Variants in DHX35 observed in about 807,000 individuals in gnomAD.
DHX35 encodes the protein probable ATP-dependent RNA helicase DHX35.
In DHX35, 84 loss-of-function variants were observed where a neutral mutation model predicts 99.6. That is an observed-to-expected ratio of 0.84 (90% CI 0.71 to 1.01). The LOEUF (loss-of-function observed/expected upper bound fraction) is 1.01. Among genes scored for constraint, DHX35 ranks in the 50% least tolerant of loss-of-function variants. The pLI is 0.00. For synonymous variants in DHX35, 331 were observed against 316.2 expected (o/e 1.05, Z -0.50); for missense variants, 852 against 888.5 (o/e 0.96, Z 0.52).
At chr20:39,007,426 C>T (rs2086637584) in intron 12 of DHX35, among the ~76,000 whole-genome samples, 1 of 152,202 alleles carries the variant, frequency 6.6e-6, no homozygotes, top group South Asian at 2.1e-4. Context: ...GCCTTGGAAG[C>T]AGAGAGCAGA....
intron 13 of DHX35, among the ~76,000 whole-genome samples, chr20:39,012,067 G>A (rs546451027): frequency 2.6e-5 from 4 of 152,242 alleles, no homozygotes; most frequent in African/African-American, 9.6e-5. Context: ...GGCCAACATG[G>A]TGAAACCCCG....
intron 3 of DHX35, among the ~76,000 whole-genome samples, chr20:38,979,163 T>G (rs1470928559): frequency 6.6e-6 from 1 of 151,480 alleles, no homozygotes; most frequent in African/African-American, 2.4e-5. Context: ...GTATTGTTGG[T>G]TTTTTTTTCC....
intron 10 of DHX35, 129 bp from the exon 11 acceptor site, chr20:39,003,620 C>T (rs1042200350): frequency 2.2e-5 from 23 of 1,025,256 alleles, no homozygotes; most frequent in Middle Eastern, 2.2e-4. Flanking sequence ...TGGAACATGA[C>T]GGCACTGAAA....
In DHX35 at chr20:39,030,694, A is replaced by G. The variant is rs772552348; in HGVS notation, c.1884-10A>G. On this transcript the variant is annotated splice_polypyrimidine_tract_variant and intron_variant, in intron 19 of 21. Transcript: ENST00000252011. ...AATGTGCTTCAGACAAAATTCTTCT[A>G]TGTTCCAAGGACCATCCGTGATGAC... is the stretch of plus-strand genomic sequence containing the variant. 1.7e-5 allele frequency: 27 copies of G among 1,613,636 alleles called. No individual in the cohort carries two copies. Among genetic ancestry groups the G allele is most frequent in the East Asian group, 2.2e-5 (1 of 44,876 alleles).
At chr20:38,968,983 C>T in intron 1 of DHX35, 98 bp from the exon 2 acceptor site, 1 of 1,328,850 alleles carries the variant, frequency 7.5e-7, no homozygotes, top group Non-Finnish European at 1.0e-6. Flanking sequence ...AAAAGTATTG[C>T]TTCTTCTGTA....
At chr20:38,984,755 C>A (rs2086224927) in intron 4 of DHX35, among the ~76,000 whole-genome samples, 1 of 152,122 alleles carries the variant, frequency 6.6e-6, no homozygotes, top group Non-Finnish European at 1.5e-5. Flanking sequence ...TGTTCTTAAT[C>A]ATAATTCTCA....
Position 39,021,913 on chromosome 20 carries a change from C to T in DHX35, c.1571C>T (p.Pro524Leu), listed in dbSNP as rs201216303. Residue 524 changes from proline (P) to leucine (L), a missense_variant, in exon 16 of 22, where the codon CCC becomes CTC. Coordinates refer to ENST00000252011, the MANE Select transcript of DHX35 (RefSeq NM_021931.4). ...MMQIQNIFVV[P>L]PNQKSHAIRV... The stretch of plus-strand genomic sequence containing the variant: ...CAGATCCAGAATATCTTTGTGGTCC[C>T]CCCAAACCAGAAGTCTCACGCAGTA... 300 of 1,613,996 alleles carry T rather than the reference C, an allele frequency of 1.9e-4. No individual in the cohort carries two copies. The highest frequency in any genetic ancestry group is 7.7e-4 in the Admixed American group (46 of 59,990).
At chr20:38,978,457 C>T (rs954929878) in intron 3 of DHX35, 9 of 550,808 alleles carry the variant, frequency 1.6e-5, no homozygotes, top group South Asian at 3.9e-5. Context: ...GGAGAGAAGG[C>T]GGATGGAGAT....
In DHX35 at chr20:39,034,218, C is replaced by T. The variant is rs563915110; in HGVS notation, c.1968C>T (p.Asn656=). Reference sequence around the variant, plus strand: ...TTTCTCATTTCAGGGTCATCTATAACGAAGTTATACAGACCTCCAAGTACT... The same window carrying T: ...TTTCTCATTTCAGGGTCATCTATAATGAAGTTATACAGACCTCCAAGTACT... The part of the protein sequence containing the change: ...AEKPPRWVIY[N]EVIQTSKYYM... Residue 656 remains asparagine (N), a synonymous_variant, in exon 21 of 22, where the codon AAC becomes AAT. Transcript: ENST00000252011. 37 of 1,613,572 alleles carry T rather than the reference C, an allele frequency of 2.3e-5. No individual in the cohort carries two copies. In the East Asian group the frequency reaches 5.6e-4, roughly 24 times the overall value.
At chr20:38,971,327 TG>T (rs1490424877) in intron 2 of DHX35, among the ~76,000 whole-genome samples, 1 of 152,206 alleles carries the variant, frequency 6.6e-6, no homozygotes, top group Non-Finnish European at 1.5e-5. Flanking sequence ...CACTCCTGCC[TG>T]GGCAACAGAG....
intron 1 of DHX35, 75 bp from the exon 2 acceptor site, chr20:38,969,006 T>C (rs1469593281): frequency 2.1e-6 from 3 of 1,443,950 alleles, no homozygotes; most frequent in Middle Eastern, 3.7e-4. Flanking sequence ...TCTTCATCTT[T>C]GAAAGTTTAT....
In DHX35 at chr20:39,034,430, A is replaced by C. The variant is rs2087110509; in HGVS notation, c.2067+113A>C. On this transcript the variant is annotated intron_variant, in intron 21 of 21. Transcript: ENST00000252011. ...CTATGTGTGTTCCCCCTAGGGGTGC[A>C]TAGGGTGGAAAGGCCATTACCATAT... The C allele has an allele frequency of 1.7e-4, 143 of 842,840 alleles. 6 individuals carry two copies. The South Asian group carries it at 2.1e-3, about 13-fold the overall frequency. The allele number at this position is 842,840 out of a possible 1,614,324, so 52.2% of individuals were successfully genotyped here.
intron 3 of DHX35, among the ~76,000 whole-genome samples, chr20:38,977,356 C>T (rs2086097129): frequency 6.6e-6 from 1 of 152,090 alleles, no homozygotes; most frequent in African/African-American, 2.4e-5. Flanking sequence ...TGATGTTGAG[C>T]ATTATTTCGT....
At chr20:39,021,020 A>G (rs1313200393) in intron 15 of DHX35, among the ~76,000 whole-genome samples, 7 of 152,102 alleles carry the variant, frequency 4.6e-5, no homozygotes, top group Non-Finnish European at 1.0e-4. Context: ...GATGGGAGGT[A>G]GTGGGGAGAT....
At chr20:38,983,209 G>A (rs1022242751) in intron 3 of DHX35, among the ~76,000 whole-genome samples, 19 of 152,298 alleles carry the variant, frequency 1.2e-4, no homozygotes, top group African/African-American at 4.1e-4. Context: ...ATGAGCCGCC[G>A]TGCCTGTTCA....
At chr20:38,983,650 T>A (rs370172162) in intron 3 of DHX35, 49 bp from the exon 4 acceptor site, 4 of 1,510,042 alleles carry the variant, frequency 2.6e-6, no homozygotes, top group Non-Finnish European at 3.7e-6. Flanking sequence ...GGGAGATTGC[T>A]CTGCAAAAGT....
intron 17 of DHX35, 138 bp from the exon 18 acceptor site, chr20:39,025,092 A>G: frequency 9.7e-7 from 1 of 1,035,130 alleles, no homozygotes; most frequent in East Asian, 2.7e-5. Context: ...AGATGGGGCA[A>G]AAAAGGGCCA....
intron 3 of DHX35, among the ~76,000 whole-genome samples, chr20:38,979,517 A>G (rs1172791659): frequency 1.3e-5 from 2 of 152,230 alleles, no homozygotes; most frequent in African/African-American, 4.8e-5. Flanking sequence ...TGACTAGATC[A>G]TTGTAATAGA....
rs1361418370 is a variant in DHX35, at chr20:38,991,400, T to A, written c.451-54T>A. The A allele has an allele frequency of 3.3e-6, 5 of 1,519,560 alleles. No homozygotes were observed. The East Asian group carries it at 1.1e-4, about 35-fold the overall frequency. 94.1% of individuals were successfully genotyped at this position (1,519,560 alleles called of 1,614,324 possible). A position where few individuals can be genotyped will look rare whatever the true frequency, so the allele number is the denominator to read the frequency against. On this transcript the variant is annotated intron_variant, in intron 5 of 21. Transcript: ENST00000252011. Reference sequence around the variant, plus strand: ...TTGCACTTGAACTTAAAAAATACCATTAATATGTAGTGTAAGTGAATTATT... The same window carrying A: ...TTGCACTTGAACTTAAAAAATACCAATAATATGTAGTGTAAGTGAATTATT...
Sources: allele counts gnomAD v4.1 joint callset (sites outside exome capture counted in the v4.1 genomes callset), GRCh38; gene constraint gnomAD v4.1.1; transcripts MANE v1.5; gene names NCBI Gene and HGNC (gene_info 2026-07-23, HGNC 2026-07-21).